Variants in BACH2 observed in about 807,000 individuals in gnomAD.
BACH2 encodes the protein BACH transcriptional regulator 2.
BACH2 carries 5 observed loss-of-function variants against 61.8 expected under a neutral mutation model. The ratio of observed to expected loss-of-function variants is 0.08; its 90% CI spans 0.04 to 0.17. The LOEUF is 0.17. Ranked by LOEUF, BACH2 falls within the 10% of genes least tolerant of loss-of-function variation. The pLI is 1.00. For missense variants in BACH2, 824 were observed against 1,091.1 expected, an observed-to-expected ratio of 0.76 and a Z score of 3.45; for synonymous variants, 446 against 440.1, an observed-to-expected ratio of 1.01 and a Z score of -0.17.
At chr6:90,122,587 T>C (rs1783676927) in intron 4 of BACH2, among the ~76,000 whole-genome samples, 1 of 152,204 alleles carries the variant, frequency 6.6e-6, no homozygotes, top group Admixed American at 6.5e-5. Flanking sequence ...TACTATGACA[T>C]TTTAAAAAAA....
chr6:90,135,107 C>G (rs1423941494), intron 4 of BACH2, among the ~76,000 whole-genome samples: 1 of 152,196 alleles, frequency 6.6e-6, no homozygotes, highest in Non-Finnish European at 1.5e-5. Flanking sequence ...ATGCTAAAGC[C>G]ATTTTCTTCC....
intron 3 of BACH2, among the ~76,000 whole-genome samples, chr6:90,213,907 G>A (rs1187344221): frequency 2.6e-5 from 4 of 151,864 alleles, no homozygotes; most frequent in Admixed American, 6.6e-5. Flanking sequence ...TCTACTTCTC[G>A]CTTGGTCAGA....
intron 4 of BACH2, among the ~76,000 whole-genome samples, chr6:90,146,843 A>G (rs1784635692): frequency 1.3e-5 from 2 of 152,204 alleles, no homozygotes; most frequent in East Asian, 3.8e-4. Context: ...TTCTAAAACT[A>G]ACTTTACAAG....
At chr6:90,065,328 C>G (rs370352769) in intron 5 of BACH2, among the ~76,000 whole-genome samples, 1 of 119,754 alleles carries the variant, frequency 8.4e-6, no homozygotes, top group African/African-American at 3.1e-5. Flanking sequence ...TAAAGAATTC[C>G]AGGCTAGCCT....
At chr6:89,981,662 A>T (rs1394780184) in intron 6 of BACH2, among the ~76,000 whole-genome samples, 1 of 152,190 alleles carries the variant, frequency 6.6e-6, no homozygotes, top group Non-Finnish European at 1.5e-5. Context: ...GGAGAAATGG[A>T]ATTATTAGCG....
chr6:90,094,861 T>TAC (rs111697212), intron 4 of BACH2, among the ~76,000 whole-genome samples: 1,851 of 150,768 alleles, frequency 0.012, 17 homozygotes, highest in African/African-American at 0.027. Context: ...TCCACAACTA[T>TAC]ACACACACAC....
At chr6:90,138,418 G>A (rs903053149) in intron 4 of BACH2, among the ~76,000 whole-genome samples, 1 of 152,156 alleles carries the variant, frequency 6.6e-6, no homozygotes, top group Non-Finnish European at 1.5e-5. Flanking sequence ...CAGAAGAATC[G>A]CCTGTGGGAG....
chr6:90,053,669 C>T (rs962667994), intron 5 of BACH2, among the ~76,000 whole-genome samples: 1 of 152,198 alleles, frequency 6.6e-6, no homozygotes, highest in Non-Finnish European at 1.5e-5. Flanking sequence ...ACTTCACTCT[C>T]ATTTTGAAGG....
At position 89,951,288 on chromosome 6, in the gene BACH2, C is replaced by T. The variant is rs1389251595; in HGVS notation, c.818G>A (p.Gly273Glu). 4 of 1,614,230 alleles carry T rather than the reference C, an allele frequency of 2.5e-6. No homozygotes were observed. Among genetic ancestry groups the T allele is most frequent in the Non-Finnish European group, 3.4e-6 (4 of 1,180,044 alleles). Residue 273 changes from glycine (G) to glutamate (E), a missense_variant, in exon 7 of 9, where the codon GGG (glycine) becomes GAG (glutamate). By Grantham distance (98) the Gly-to-Glu change is moderately conservative. This residue lies in a region of BACH2 where 226 missense variants were observed against 228.5 expected (regional missense o/e 0.99). Transcript: ENST00000257749. This position sits in a 1 kb window ranked among gnomAD's most constrained non-coding sequence, Gnocchi z 6.4. ...SNSLKPGLARGQIKSEPPSEE... is the reference protein window; with the variant it reads ...SNSLKPGLAREQIKSEPPSEE... Reference sequence around the variant, plus strand: ...ACTGGGCGGCTCACTTTTAATCTGCCCCCTGGCAAGCCCCGGCTTGAGGCT... The same window carrying T: ...ACTGGGCGGCTCACTTTTAATCTGCTCCCTGGCAAGCCCCGGCTTGAGGCT...
chr6:90,136,068 CAGTT>C (rs1784261078), intron 4 of BACH2, among the ~76,000 whole-genome samples: 1 of 152,168 alleles, frequency 6.6e-6, no homozygotes, highest in Non-Finnish European at 1.5e-5. Flanking sequence ...TCTCCAAGGC[CAGTT>C]ACCCTTCCTC....
Position 89,938,279 on chromosome 6 carries a change from C to T in BACH2, c.1908G>A (p.Met636Ile). 1 of 1,614,208 alleles carries T rather than the reference C, an allele frequency of 6.2e-7. No individual in the cohort carries two copies. Among genetic ancestry groups the T allele is most frequent in the Non-Finnish European group, 8.5e-7 (1 of 1,180,020 alleles). Reference sequence around the variant, plus strand: ...CTAACTGTTCTGAGGTTAGCTTGTGCATTTTAATCATCATCTGGAAATCGT... The same window carrying T: ...CTAACTGTTCTGAGGTTAGCTTGTGTATTTTAATCATCATCTGGAAATCGT... The part of the protein sequence containing the change: ...PRNDFQMMIK[M>I]HKLTSEQLEF... The change falls in exon 8 of 9, where the codon ATG becomes ATA. Residue 636 changes from methionine to isoleucine, a missense_variant. Physicochemically the swap from Met to Ile is conservative, Grantham distance 10 (BLOSUM62 1). Around this residue, in one of 8 missense-constraint regions of BACH2, gnomAD observed 160 missense variants for 283.5 expected, o/e 0.56. Transcript: ENST00000257749.
intron 7 of BACH2, among the ~76,000 whole-genome samples, chr6:89,948,374 T>C (rs1773873999): frequency 6.6e-6 from 1 of 151,960 alleles, no homozygotes; most frequent in Non-Finnish European, 1.5e-5. Flanking sequence ...GCCTGGCTAT[T>C]TTTTTATATT....
rs59169449 is a variant in BACH2 at position 90,239,798 on chromosome 6, T to TACACACAC, written c.-275+12707_-275+12714dup. 1.1e-3 allele frequency among the ~76,000 whole-genome samples: 142 copies of TACACACAC among 132,298 alleles called. 1 individual carries two copies. Among genetic ancestry groups the TACACACAC allele is most frequent in the East Asian group, 3.1e-3 (14 of 4,566 alleles). 86.8% of individuals were successfully genotyped at this position (132,298 alleles called of 152,430 possible). On this transcript the variant is annotated intron_variant, in intron 3 of 8. Coordinates refer to ENST00000257749, the MANE Select transcript of BACH2 (RefSeq NM_021813.4). ...GATCTCCATAGTAAGGGGGGGGGAATACACACACACACACACACACACACA... is the reference window on the plus strand; with the variant it reads ...GATCTCCATAGTAAGGGGGGGGGAATACACACACACACACACACACACACACACACACA...
chr6:90,133,773 T>C (rs1473981686), intron 4 of BACH2, among the ~76,000 whole-genome samples: 1 of 152,130 alleles, frequency 6.6e-6, no homozygotes, highest in Admixed American at 6.5e-5. Context: ...TTCCCACCTA[T>C]GAGTGAGAAC....
At chr6:90,229,898 C>T (rs1051289007) in intron 3 of BACH2, among the ~76,000 whole-genome samples, 2 of 152,154 alleles carry the variant, frequency 1.3e-5, no homozygotes, top group South Asian at 4.1e-4. Context: ...GATGCAAGTC[C>T]TAGGTCAGTC....
intron 6 of BACH2, among the ~76,000 whole-genome samples, chr6:89,959,111 A>G (rs1376403518): frequency 1.6e-4 from 11 of 68,120 alleles, no homozygotes; most frequent in African/African-American, 2.0e-4. Context: ...ACACACACAC[A>G]CACACACACA....
At chr6:90,248,783 G>A (rs905670) in intron 3 of BACH2, among the ~76,000 whole-genome samples, 38,102 of 152,098 alleles carry the variant, frequency 0.25, 5,620 homozygotes, top group Non-Finnish European at 0.34. Flanking sequence ...ACCAACTCCG[G>A]GGAGGAGGCT....
intron 6 of BACH2, among the ~76,000 whole-genome samples, chr6:89,991,073 T>C (rs998344591): frequency 6.6e-6 from 1 of 152,236 alleles, no homozygotes; most frequent in Non-Finnish European, 1.5e-5. Flanking sequence ...CTTACAATAA[T>C]TTAAACTGTC....
Position 89,951,651 on chromosome 6 carries a change from G to A in BACH2, c.455C>T (p.Pro152Leu), listed in dbSNP as rs200976634. ...TGCAGAGTTCTCGCAGTCCTCGTGT[G>A]GGCGCTGGCACGCAGCATCCTTCCG... ...VCRKDAACQR[P>L]HEDCENSAGE... The change falls in exon 7 of 9, where the codon CCA (proline) becomes CTA (leucine). Residue 152 changes from proline to leucine, a missense_variant. Pro to Leu is a moderately conservative substitution (Grantham distance 98). This residue lies in a region of BACH2 where 107 missense variants were observed against 121.7 expected (regional missense o/e 0.88). Coordinates refer to ENST00000257749, the MANE Select transcript of BACH2 (RefSeq NM_021813.4). The surrounding 1 kb of genome is among the most constrained non-coding windows in gnomAD (Gnocchi z 6.4). The A allele has an allele frequency of 1.1e-4, 175 of 1,614,076 alleles. No individual in the cohort carries two copies. Among genetic ancestry groups the A allele is most frequent in the Non-Finnish European group, 1.3e-4 (148 of 1,180,044 alleles).
Sources: allele counts gnomAD v4.1 joint callset (sites outside exome capture counted in the v4.1 genomes callset), GRCh38; gene constraint gnomAD v4.1.1; regional missense constraint gnomAD v4.1.1; non-coding constraint Gnocchi (gnomAD v3.1); transcripts MANE v1.5; gene names NCBI Gene and HGNC (gene_info 2026-07-23, HGNC 2026-07-21).